Variants in DST observed in about 807,000 individuals in gnomAD.
The protein encoded by DST is bullous pemphigoid antigen.
In DST, 253 loss-of-function variants were observed where a neutral mutation model predicts 875.2. The ratio of observed to expected loss-of-function variants is 0.29; its 90% CI spans 0.26 to 0.32. The LOEUF (loss-of-function observed/expected upper bound fraction) is 0.32. Ranked by LOEUF, DST falls within the 10% of genes least tolerant of loss-of-function variation. DST has a pLI of 1.00. For missense variants in DST, 8,287 were observed against 9,111.6 expected (o/e 0.91, Z 3.68); for synonymous variants, 3,124 against 3,197.1 (o/e 0.98, Z 0.77).
At chr6:56,732,505 AAAC>A (rs2099504645) in intron 5 of DST, among the ~76,000 whole-genome samples, 1 of 152,202 alleles carries the variant, frequency 6.6e-6, no homozygotes, top group South Asian at 2.1e-4. Flanking sequence ...AATAAGCAAA[AAAC>A]AACAAAAGAA....
intron 31 of DST, 28 bp from the exon 32 acceptor site, chr6:56,629,471 T>A (rs762955501): frequency 1.4e-4 from 225 of 1,552,862 alleles, no homozygotes; most frequent in Non-Finnish European, 1.8e-4. Context: ...GTAAAAGTTA[T>A]AAAAATGTTA....
chr6:56,744,634 G>A (rs891050897), intron 4 of DST, among the ~76,000 whole-genome samples: 17 of 152,130 alleles, frequency 1.1e-4, no homozygotes, highest in African/African-American at 4.1e-4. Flanking sequence ...GGAGCTGGGT[G>A]AAAACAAATC....
intron 86 of DST, among the ~76,000 whole-genome samples, chr6:56,488,738 T>C (rs1436199290): frequency 6.6e-6 from 1 of 152,048 alleles, no homozygotes; most frequent in Non-Finnish European, 1.5e-5. Flanking sequence ...GTAAAACCCT[T>C]TGCAAGAATC....
At chr6:56,756,510 A>C (rs1430657648) in intron 4 of DST, among the ~76,000 whole-genome samples, 1 of 152,140 alleles carries the variant, frequency 6.6e-6, no homozygotes, top group South Asian at 2.1e-4. Flanking sequence ...GAAAAGGGGT[A>C]CAAATCACCC....
intron 4 of DST, among the ~76,000 whole-genome samples, chr6:56,850,638 G>A (rs1421687702): frequency 6.6e-6 from 1 of 152,154 alleles, no homozygotes; most frequent in African/African-American, 2.4e-5. Flanking sequence ...AACACCCCTG[G>A]AAGCACCTCT....
chr6:56,852,039 T>G, intron 3 of DST: 1 of 1,426,274 alleles, frequency 7.0e-7, no homozygotes, highest in East Asian at 2.5e-5. Context: ...AACTCGAAGT[T>G]TCGAAAACAA....
intron 69 of DST, among the ~76,000 whole-genome samples, chr6:56,519,677 C>T (rs1266740594): frequency 1.3e-5 from 2 of 152,152 alleles, no homozygotes; most frequent in Non-Finnish European, 2.9e-5. Context: ...CCCACTCCCA[C>T]TCAGCAGAAA....
intron 9 of DST, among the ~76,000 whole-genome samples, chr6:56,695,126 CAAAAAAA>C (rs34456344): frequency 8.6e-5 from 6 of 70,096 alleles, no homozygotes; most frequent in African/African-American, 3.3e-4. Flanking sequence ...GACTCCCTCT[CAAAAAAA>C]AAAAAAAAAA....
At position 56,606,412 on chromosome 6, in the gene DST, T is replaced by C. The variant is rs774520679; in HGVS notation, c.8216A>G (p.Asp2739Gly). The change falls in exon 40 of 104, where the codon GAC becomes GGC. Residue 2739 changes from aspartate to glycine, a missense_variant. Transcript: ENST00000680361. Reference protein sequence around the residue: ...CTNILEGDESDSLTDYDIVGG... With the variant: ...CTNILEGDESGSLTDYDIVGG... ...TACAATATCATAATCAGTCAATGAG[T>C]CAGATTCATCACCTTCAAGGATATT... 1 of 1,613,374 alleles carries C rather than the reference T, an allele frequency of 6.2e-7. No homozygotes were observed. Among genetic ancestry groups the C allele is most frequent in the South Asian group, 1.1e-5 (1 of 91,062 alleles).
At chr6:56,706,798 C>T (rs1259078403) in intron 5 of DST, among the ~76,000 whole-genome samples, 6 of 152,008 alleles carry the variant, frequency 3.9e-5, no homozygotes, top group African/African-American at 9.7e-5. Flanking sequence ...GTCAGGAGTT[C>T]GAGACCAGCC....
At chr6:56,704,466 A>G (rs2099324667) in intron 5 of DST, 97 bp from the exon 6 acceptor site, 1 of 612,554 alleles carries the variant, frequency 1.6e-6, no homozygotes, top group Non-Finnish European at 2.9e-6. Flanking sequence ...CATTCCTCAC[A>G]TGGTATTCAT....
At position 56,552,668 on chromosome 6, in the gene DST, G is replaced by A; in HGVS notation, c.16124C>T (p.Ser5375Phe). ...GCCCTGAAGCTTGGTTTCTAAGAAAGAACACTTTTCATCAACCTGCTGACT... is the reference window on the plus strand; with the variant it reads ...GCCCTGAAGCTTGGTTTCTAAGAAAAAACACTTTTCATCAACCTGCTGACT... ...TLSQQVDEKC[S>F]FLETKLQGIG... is the part of the protein sequence containing the mutation. Residue 5375 changes from serine (S) to phenylalanine (F), a missense_variant, in exon 61 of 104, where the codon TCT (serine) becomes TTT (phenylalanine). Physicochemically the swap from Ser to Phe is radical, Grantham distance 155. Around this residue, in one of 10 missense-constraint regions of DST, gnomAD observed 1,513 missense variants for 1,677.8 expected, o/e 0.90. Transcript: ENST00000680361. The A allele has an allele frequency of 6.2e-7, 1 of 1,613,832 alleles. No homozygotes were observed. Among genetic ancestry groups the A allele is most frequent in the South Asian group, 1.1e-5 (1 of 91,076 alleles).
rs2098916296 is a variant in DST, at chr6:56,642,482, A to G, written c.1800T>C (p.Ile600=). The G allele has an allele frequency of 6.2e-7, 1 of 1,613,488 alleles. No homozygotes were observed. The highest frequency in any genetic ancestry group is 1.7e-5 in the Admixed American group (1 of 59,992). Residue 600 remains isoleucine (I), a synonymous_variant, in exon 16 of 104, where the codon ATT becomes ATC. Transcript: ENST00000680361. ...EVERLEMLQQ[I]ANRVQRDSVI... is the part of the protein sequence containing the mutation. ...CACTGTCCCTCTGAACTCTGTTGGC[A>G]ATCTGTTGCAACATTTCTAACCTAA...
At chr6:56,590,306 T>A (rs2098247541) in intron 49 of DST, among the ~76,000 whole-genome samples, 1 of 152,186 alleles carries the variant, frequency 6.6e-6, no homozygotes, top group African/African-American at 2.4e-5. Flanking sequence ...TGGGTTTTAT[T>A]CTTTTTCTGC....
intron 2 of DST, among the ~76,000 whole-genome samples, chr6:56,923,408 AT>A (rs35848670): frequency 0.33 from 45,855 of 137,634 alleles, 8,530 homozygotes; most frequent in African/African-American, 0.53. Context: ...GGGAATTTTG[AT>A]TTTTTTCCCT....
chr6:56,477,143 A>G (rs1450149192), intron 91 of DST, among the ~76,000 whole-genome samples: 3 of 152,220 alleles, frequency 2.0e-5, no homozygotes, highest in Non-Finnish European at 2.9e-5. Flanking sequence ...CCAGGGACAT[A>G]GCTGCAAAAT....
intron 5 of DST, among the ~76,000 whole-genome samples, chr6:56,732,914 G>A (rs2099508103): frequency 6.6e-6 from 1 of 152,140 alleles, no homozygotes; most frequent in South Asian, 2.1e-4. Flanking sequence ...TCTACCAGTA[G>A]CAGCTGTGGC....
Position 56,510,597 on chromosome 6 carries a change from T to G in DST, c.18780+600A>C, listed in dbSNP as rs79328431. On this transcript the variant is annotated intron_variant, in intron 73 of 103. Coordinates refer to ENST00000680361, the MANE Select transcript of DST (RefSeq NM_001374736.1). ...CTATAAAAACTTGTTCATTCACATC[T>G]ATGAATGAACTTTGTTCTATACTAT... Among the ~76,000 whole-genome samples, 1,193 of 152,300 alleles carry G rather than the reference T, an allele frequency of 7.8e-3. 13 individuals are homozygous for G. The highest frequency in any genetic ancestry group is 0.027 in the African/African-American group (1,110 of 41,564).
rs1279542027 is a variant in DST at position 56,765,006 on chromosome 6, G to GGAGGGAGA, written c.626-29718_626-29717insTCTCCCTC. On this transcript the variant is annotated intron_variant, in intron 4 of 103. Transcript: ENST00000680361. The stretch of plus-strand genomic sequence containing the variant: ...GGGAGGGAGGGAGGGAGGAAGGGAG[G>GGAGGGAGA]GAGGGTAAGAAGCAATAGGCACTAA... Among the ~76,000 whole-genome samples, 33 of 150,070 alleles carry GGAGGGAGA rather than the reference G, an allele frequency of 2.2e-4. 1 individual carries two copies. The highest frequency in any genetic ancestry group is 3.7e-4 in the Non-Finnish European group (25 of 67,518).
Sources: gnomAD v4.1 joint callset for allele counts (sites outside exome capture counted in the v4.1 genomes callset) on GRCh38, gnomAD v4.1.1 for gene constraint, gnomAD v4.1.1 regional missense constraint, MANE v1.5 for transcripts, NCBI Gene and HGNC (gene_info 2026-07-23, HGNC 2026-07-21) for gene names.